Variants in LSAMP observed in about 807,000 individuals in gnomAD.
LSAMP encodes the protein limbic system associated membrane protein.
A neutral mutation model predicts 38.6 loss-of-function variants in LSAMP; 7 were observed. The observed-to-expected ratio is 0.18, with a 90% CI of 0.10 to 0.34. LSAMP has a LOEUF of 0.34. Among genes scored for constraint, LSAMP ranks in the 10% least tolerant of loss-of-function variants. LSAMP has a pLI of 1.00. For missense variants in LSAMP, 313 were observed against 420.0 expected, an observed-to-expected ratio of 0.75 and a Z score of 2.23; for synonymous variants, 154 against 166.8, an observed-to-expected ratio of 0.92 and a Z score of 0.59.
intron 1 of LSAMP, among the ~76,000 whole-genome samples, chr3:116,373,504 G>C (rs893108971): frequency 1.3e-5 from 2 of 151,684 alleles, no homozygotes; most frequent in African/African-American, 2.4e-5. Context: ...GATGATAGTA[G>C]TGATGGTTGC....
intron 1 of LSAMP, among the ~76,000 whole-genome samples, chr3:116,353,564 A>G (rs2048178998): frequency 6.6e-6 from 1 of 152,002 alleles, no homozygotes; most frequent in Non-Finnish European, 1.5e-5. Context: ...TGCAGAGTAC[A>G]CTCCATAATT....
At position 115,922,692 on chromosome 3, in the gene LSAMP, T is replaced by C. The variant is rs547313626; in HGVS notation, c.515-70075A>G. On this transcript the variant is annotated intron_variant, in intron 3 of 6. Transcript: ENST00000490035. The stretch of plus-strand genomic sequence containing the variant: ...TTACCCAGTCTCTATAGACTTGCTT[T>C]TACTGGGGAAGATCCTCACCCATCA... Among the ~76,000 whole-genome samples, 64 of 152,202 alleles carry C rather than the reference T, an allele frequency of 4.2e-4. No homozygotes were observed. In the South Asian group the frequency reaches 0.013, roughly 31 times the overall value.
chr3:116,437,041 G>GTATATATATA (rs139542369), intron 1 of LSAMP, among the ~76,000 whole-genome samples: 3 of 144,180 alleles, frequency 2.1e-5, no homozygotes, highest in South Asian at 4.3e-4. Flanking sequence ...ATATATATGT[G>GTATATATATA]TATATATATA....
intron 3 of LSAMP, among the ~76,000 whole-genome samples, chr3:115,946,793 A>G (rs921845752): frequency 2.0e-5 from 3 of 152,170 alleles, no homozygotes; most frequent in African/African-American, 7.2e-5. Context: ...GGTCACTATA[A>G]TCTCAATAAG....
chr3:116,143,512 C>T (rs1295400587), intron 1 of LSAMP, among the ~76,000 whole-genome samples: 1 of 151,824 alleles, frequency 6.6e-6, no homozygotes, highest in Non-Finnish European at 1.5e-5. Context: ...GGGATGAATA[C>T]GCTGTTCTCC....
chr3:116,255,868 C>A (rs2046742997), intron 1 of LSAMP, among the ~76,000 whole-genome samples: 1 of 152,132 alleles, frequency 6.6e-6, no homozygotes, highest in African/African-American at 2.4e-5. Flanking sequence ...AAAAACCACA[C>A]TTTAGTAGGA....
chr3:116,163,576 T>C (rs1445251388), intron 1 of LSAMP, among the ~76,000 whole-genome samples: 2 of 151,600 alleles, frequency 1.3e-5, no homozygotes, highest in Non-Finnish European at 2.9e-5. Flanking sequence ...TTTATAATCC[T>C]TTGGGGTATA....
intron 1 of LSAMP, among the ~76,000 whole-genome samples, chr3:116,385,270 C>T (rs1252867233): frequency 6.6e-6 from 1 of 152,146 alleles, no homozygotes; most frequent in African/African-American, 2.4e-5. Flanking sequence ...TTTCTATATA[C>T]ATCACTCGAG....
At chr3:116,252,274 T>G (rs1362067971) in intron 1 of LSAMP, among the ~76,000 whole-genome samples, 2 of 152,218 alleles carry the variant, frequency 1.3e-5, no homozygotes, top group Non-Finnish European at 2.9e-5. Context: ...GTTGGCAGTG[T>G]GTACTGTCAC....
intron 3 of LSAMP, among the ~76,000 whole-genome samples, chr3:116,014,264 G>T (rs189675258): frequency 2.4e-4 from 36 of 152,214 alleles, no homozygotes; most frequent in Non-Finnish European, 3.8e-4. Context: ...ATTTGTGCAA[G>T]GACCATGTCT....
chr3:116,016,104 T>A (rs1472902844), intron 3 of LSAMP, among the ~76,000 whole-genome samples: 1 of 152,090 alleles, frequency 6.6e-6, no homozygotes, highest in Non-Finnish European at 1.5e-5. Context: ...CTCTTCCACA[T>A]AGCTTGTTTG....
intron 2 of LSAMP, among the ~76,000 whole-genome samples, chr3:116,073,401 C>CT (rs569430865): frequency 1.2e-3 from 181 of 152,098 alleles, no homozygotes; most frequent in Non-Finnish European, 2.0e-3. Context: ...TATTTGGGCT[C>CT]TTTTTTTGGT....
intron 6 of LSAMP, chr3:115,816,632 C>T (rs755267644): frequency 7.8e-6 from 10 of 1,286,392 alleles, no homozygotes; most frequent in Admixed American, 7.0e-5. Flanking sequence ...TTGAAGTGCA[C>T]GGTGGTACCA....
At chr3:116,125,033 T>TG (rs974037657) in intron 1 of LSAMP, among the ~76,000 whole-genome samples, 31 of 152,236 alleles carry the variant, frequency 2.0e-4, no homozygotes, top group Middle Eastern at 6.8e-3. Context: ...CTGCAGTACT[T>TG]GGGGTTCTTT....
At chr3:116,015,148 A>G (rs934368837) in intron 3 of LSAMP, among the ~76,000 whole-genome samples, 5 of 152,198 alleles carry the variant, frequency 3.3e-5, no homozygotes, top group Non-Finnish European at 7.3e-5. Context: ...GCTGAAAAAG[A>G]AAATTACACA....
chr3:116,437,954 T>C (rs2107884504), intron 1 of LSAMP, among the ~76,000 whole-genome samples: 1 of 151,894 alleles, frequency 6.6e-6, no homozygotes, highest in South Asian at 2.1e-4. Flanking sequence ...TCTACATATC[T>C]ATGAGGTTTT....
At chr3:116,064,821 A>G (rs1421271568) in intron 2 of LSAMP, among the ~76,000 whole-genome samples, 1 of 152,176 alleles carries the variant, frequency 6.6e-6, no homozygotes, top group African/African-American at 2.4e-5. Context: ...CTTGCATGGT[A>G]TCACACAACT....
At chr3:116,410,492 A>ATTT (rs5852010) in intron 1 of LSAMP, among the ~76,000 whole-genome samples, 8,234 of 150,076 alleles carry the variant, frequency 0.055, 265 homozygotes, top group African/African-American at 0.098. Context: ...CTAATTAGCC[A>ATTT]TTTTTTTTTT....
At chr3:115,948,442 C>T (rs1938173713) in intron 3 of LSAMP, among the ~76,000 whole-genome samples, 1 of 152,076 alleles carries the variant, frequency 6.6e-6, no homozygotes, top group Admixed American at 6.5e-5. Flanking sequence ...TCTCAGACCA[C>T]AGTGAAATGA....
Sources: gnomAD v4.1 joint callset for allele counts (sites outside exome capture counted in the v4.1 genomes callset) on GRCh38, gnomAD v4.1.1 for gene constraint, MANE v1.5 for transcripts, NCBI Gene and HGNC (gene_info 2026-07-23, HGNC 2026-07-21) for gene names.